Variants in GPC1 observed in about 807,000 individuals in gnomAD.
GPC1 encodes the protein glypican-1.
A neutral mutation model predicts 51.5 loss-of-function variants in GPC1; 26 were observed. The ratio of observed to expected loss-of-function variants is 0.50; its 90% CI spans 0.37 to 0.70. The LOEUF (loss-of-function observed/expected upper bound fraction) is 0.70, where lower values mean the gene tolerates loss of function less well. Ranked by LOEUF, GPC1 falls within the 30% of genes least tolerant of loss-of-function variation. GPC1 has a pLI of 0.00. For synonymous variants in GPC1, 380 were observed against 348.3 expected (o/e 1.09, Z -1.01); for missense variants, 775 against 800.5 (o/e 0.97, Z 0.38).
chr2:240,436,439 C>T (rs967949629), intron 1 of GPC1, among the ~76,000 whole-genome samples: 3 of 152,040 alleles, frequency 2.0e-5, no homozygotes, highest in Non-Finnish European at 4.4e-5. Flanking sequence ...GCCCGCCGCT[C>T]GGCCCAGCGC....
In GPC1 at chr2:240,461,751, C is replaced by T. The variant is rs950091784; in HGVS notation, c.326-440C>T. On this transcript the variant is annotated intron_variant, in intron 2 of 8. Transcript: ENST00000264039. ...CTCGCAGGGCAGGCGGCTGGGGCCA[C>T]GGGGAGCACAAGTGGGGACCAGTGG... Among the ~76,000 whole-genome samples the T allele has an allele frequency of 3.3e-5, 5 of 152,078 alleles. 1 individual carries two copies. In the South Asian group the frequency reaches 6.2e-4, roughly 19 times the overall value.
At chr2:240,458,595 A>C (rs918796415) in intron 1 of GPC1, 3 of 176,296 alleles carry the variant, frequency 1.7e-5, no homozygotes, top group Admixed American at 1.7e-4. Flanking sequence ...GGTGCCCCCC[A>C]GGGCTGGTGT....
In GPC1 at chr2:240,459,205, G is replaced by A. The variant is rs1382287196; in HGVS notation, c.325+17G>A. On this transcript the variant is annotated intron_variant, in intron 2 of 8. Coordinates refer to ENST00000264039, the MANE Select transcript of GPC1 (RefSeq NM_002081.3). ...GCTTCGATGGTGAGTGCCTCCCACGGGCGCTCGGGGCCCGCAGGGTGCCGG... is the reference window on the plus strand; with the variant it reads ...GCTTCGATGGTGAGTGCCTCCCACGAGCGCTCGGGGCCCGCAGGGTGCCGG... 6.2e-7 allele frequency: 1 copy of A among 1,607,198 alleles called. No homozygotes were observed. Among genetic ancestry groups the A allele is most frequent in the South Asian group, 1.1e-5 (1 of 90,504 alleles).
Position 240,464,712 on chromosome 2 carries a change from C to A in GPC1, c.980C>A (p.Ala327Asp). Residue 327 changes from alanine to aspartate, a missense_variant, in exon 5 of 9, where the codon GCC becomes GAC. Transcript: ENST00000264039. ...VHTWLAEAIN[A>D]LQDNRDTLTA... is the part of the protein sequence containing the mutation. ...ACGTGGCTGGCGGAGGCCATCAACG[C>A]CCTCCAGGACAACAGGGACACGCTC... is the stretch of plus-strand genomic sequence containing the variant. The A allele has an allele frequency of 6.2e-7, 1 of 1,611,748 alleles. No homozygotes were observed. The highest frequency in any genetic ancestry group is 8.5e-7 in the Non-Finnish European group (1 of 1,179,340).
intron 1 of GPC1, chr2:240,457,364 G>C (rs1028818947): frequency 1.3e-5 from 6 of 448,194 alleles, no homozygotes; most frequent in African/African-American, 1.0e-4. Flanking sequence ...GCCCGGATTC[G>C]GGTTCTCTGT....
intron 7 of GPC1, 75 bp downstream of exon 7, chr2:240,465,285 T>C: frequency 1.3e-6 from 2 of 1,487,450 alleles, no homozygotes; most frequent in Non-Finnish European, 1.8e-6. Context: ...CCAGGTGCTG[T>C]CTGCACGGGG....
rs572626695 is a variant in GPC1 at position 240,458,901 on chromosome 2, C to T, written c.167-129C>T. On this transcript the variant is annotated intron_variant, in intron 1 of 8. Transcript: ENST00000264039. ...CTTCTGCCTTCACCCAGGGCACCCC[C>T]CAGGCTGGCCCACCCCTGAGCTGTG... The T allele has an allele frequency of 2.9e-5, 23 of 781,158 alleles. No individual in the cohort carries two copies. In the Middle Eastern group the frequency reaches 1.4e-3, roughly 48 times the overall value. The allele number at this position is 781,158 out of a possible 1,614,324, so 48.4% of individuals were successfully genotyped here.
intron 1 of GPC1, among the ~76,000 whole-genome samples, chr2:240,443,238 T>C (rs2074029572): frequency 6.6e-6 from 1 of 152,206 alleles, no homozygotes; most frequent in Non-Finnish European, 1.5e-5. Context: ...GGTTCAGTGG[T>C]GTGAGTGTGC....
chr2:240,444,190 C>T (rs1287854793), intron 1 of GPC1, among the ~76,000 whole-genome samples: 1 of 152,164 alleles, frequency 6.6e-6, no homozygotes, highest in Admixed American at 6.5e-5. Context: ...CCGCCACGCC[C>T]GGTGGGTCTC....
chr2:240,460,994 C>A (rs763766466), intron 2 of GPC1, among the ~76,000 whole-genome samples: 7 of 152,336 alleles, frequency 4.6e-5, no homozygotes, highest in South Asian at 2.1e-4. Flanking sequence ...TCCGCCCCCC[C>A]ACCAGCCTTC....
intron 5 of GPC1, 55 bp downstream of exon 5, chr2:240,464,801 C>T (rs775571339): frequency 8.9e-6 from 14 of 1,571,402 alleles, no homozygotes; most frequent in Non-Finnish European, 6.0e-6. Context: ...GGATGTGGCC[C>T]CATTGGGCTT....
At chr2:240,449,894 C>T (rs984530521) in intron 1 of GPC1, 5 of 470,630 alleles carry the variant, frequency 1.1e-5, no homozygotes, top group Admixed American at 7.0e-5. Context: ...TTCCTTTTCA[C>T]GGATTAATCC....
At chr2:240,455,464 G>A (rs2074149739) in intron 1 of GPC1, among the ~76,000 whole-genome samples, 1 of 152,182 alleles carries the variant, frequency 6.6e-6, no homozygotes, top group Non-Finnish European at 1.5e-5. Flanking sequence ...ATGCCTCCCT[G>A]CACGGGGGGA....
At chr2:240,450,553 T>G (rs2074088489) in intron 1 of GPC1, 1 of 468,406 alleles carries the variant, frequency 2.1e-6, no homozygotes, top group Non-Finnish European at 4.4e-6. Context: ...AGGCCCATAG[T>G]GAGCTCTGCA....
intron 1 of GPC1, among the ~76,000 whole-genome samples, chr2:240,446,236 A>G (rs996203719): frequency 2.6e-5 from 4 of 152,246 alleles, no homozygotes; most frequent in Non-Finnish European, 4.4e-5. Flanking sequence ...AGCAAGGAGC[A>G]GGGCCATCTG....
At position 240,467,802 on chromosome 2, in the gene GPC1, A is replaced by C. The variant is rs1344413409; in HGVS notation, c.*1512A>C. 1 of 152,216 alleles carries C rather than the reference A, an allele frequency of 6.6e-6. No individual in the cohort carries two copies. Among genetic ancestry groups the C allele is most frequent in the African/African-American group, 2.4e-5 (1 of 41,444 alleles). 9.4% of individuals were successfully genotyped at this position (152,216 alleles called of 1,614,324 possible). On this transcript the variant is annotated 3_prime_UTR_variant, in exon 9 of 9. Coordinates refer to ENST00000264039, the MANE Select transcript of GPC1 (RefSeq NM_002081.3). ...CCCAACACAGGCAAGTCCACCCCAT[A>C]ATAACCCTGCCAGTGCCAGGGTGGG... is the stretch of plus-strand genomic sequence containing the variant.
In GPC1 at chr2:240,462,246, C is replaced by T. The variant is rs61737161; in HGVS notation, c.381C>T (p.Pro127=). ...AGCGGACGCTGCAGGCCACCTTCCC[C>T]GGCGCCTTCGGAGAGCTGTACACGC... The part of the protein sequence containing the change: ...DSERTLQATF[P]GAFGELYTQN... Residue 127 remains proline (P), a synonymous_variant, in exon 3 of 9, where the codon CCC becomes CCT. Coordinates refer to ENST00000264039, the MANE Select transcript of GPC1 (RefSeq NM_002081.3). 2,814 of 1,610,318 alleles carry T rather than the reference C, an allele frequency of 1.7e-3. 41 individuals carry two copies. The African/African-American group carries it at 0.034, about 19-fold the overall frequency.
At chr2:240,456,446 T>A (rs969133772) in intron 1 of GPC1, 6 of 382,432 alleles carry the variant, frequency 1.6e-5, no homozygotes, top group Admixed American at 2.9e-5. Context: ...ACCAGCTCAC[T>A]CGGTTCCTGT....
chr2:240,463,303 C>G (rs377295330), intron 3 of GPC1, 44 bp from the exon 4 acceptor site: 116 of 1,583,922 alleles, frequency 7.3e-5, no homozygotes, highest in South Asian at 4.3e-4. Flanking sequence ...GGGCCAGGCA[C>G]CCCCAGGGCC....
Sources: gnomAD v4.1 joint callset for allele counts (sites outside exome capture counted in the v4.1 genomes callset) on GRCh38, gnomAD v4.1.1 for gene constraint, MANE v1.5 for transcripts, NCBI Gene and HGNC (gene_info 2026-07-23, HGNC 2026-07-21) for gene names.